The following ASH1L variants were observed in gnomAD, a reference collection of about 807,000 sequenced individuals.
The protein encoded by ASH1L is ASH1 like histone lysine methyltransferase.
In ASH1L, 23 loss-of-function variants were observed where a neutral mutation model predicts 269.0. The ratio of observed to expected loss-of-function variants is 0.09; its 90% CI spans 0.06 to 0.12. The LOEUF (loss-of-function observed/expected upper bound fraction) is 0.12, where lower values mean the gene tolerates loss of function less well. ASH1L is among the 10% of genes least tolerant of loss of function. The pLI, the probability that ASH1L is intolerant of heterozygous loss-of-function variation, is 1.00. For synonymous variants in ASH1L, 1,187 were observed against 1,253.5 expected (o/e 0.95, Z 1.12); for missense variants, 2,912 against 3,567.8 (o/e 0.82, Z 4.68).
intron 6 of ASH1L, among the ~76,000 whole-genome samples, chr1:155,399,828 T>C (rs1425697607): frequency 1.3e-5 from 2 of 152,146 alleles, no homozygotes; most frequent in East Asian, 1.9e-4. Flanking sequence ...TAGTTCATAC[T>C]ACACAGAGCA....
chr1:155,551,772 A>G (rs1251992533), intron 1 of ASH1L, among the ~76,000 whole-genome samples: 1 of 149,852 alleles, frequency 6.7e-6, no homozygotes, highest in Non-Finnish European at 1.5e-5. Context: ...ATTTAAGACC[A>G]GCCTGGCCAA....
intron 2 of ASH1L, among the ~76,000 whole-genome samples, chr1:155,515,156 A>C (rs1044435185): frequency 1.3e-5 from 2 of 152,198 alleles, no homozygotes; most frequent in East Asian, 3.8e-4. Flanking sequence ...AAAAACTGCA[A>C]TGCCTGCCGC....
chr1:155,352,297 CAA>C (rs1281473342), intron 17 of ASH1L, among the ~76,000 whole-genome samples: 8 of 28,128 alleles, frequency 2.8e-4, no homozygotes, highest in African/African-American at 8.2e-4. Context: ...ACCTCCATCT[CAA>C]AAAAAAAAAA....
At chr1:155,380,494 T>C (rs1417111485) in intron 7 of ASH1L, among the ~76,000 whole-genome samples, 1 of 152,158 alleles carries the variant, frequency 6.6e-6, no homozygotes, top group Non-Finnish European at 1.5e-5. Flanking sequence ...GGAGAAATTC[T>C]TGTGTTTAAA....
rs193116479 is a variant in ASH1L, at chr1:155,358,781, C to T, written c.6796-1032G>A. The T allele has an allele frequency of 6.6e-5, 10 of 151,464 alleles. No homozygotes were observed. The East Asian group carries it at 1.8e-3, about 27-fold the overall frequency. The allele number at this position is 151,464 out of a possible 1,614,324, so 9.4% of individuals were successfully genotyped here. On this transcript the variant is annotated intron_variant, in intron 13 of 27. Coordinates refer to ENST00000392403, the MANE Select transcript of ASH1L (RefSeq NM_018489.3). ...GGGGCCATGCTAATCTTCTCTGTAT[C>T]ATTCCAATTTTAGTATATATGCTGT...
chr1:155,520,856 T>C (rs1571051634), intron 2 of ASH1L, among the ~76,000 whole-genome samples: 3 of 152,158 alleles, frequency 2.0e-5, no homozygotes, highest in South Asian at 4.1e-4. Flanking sequence ...GAGCAAAACT[T>C]AATCTCAAAA....
rs1325736563 is a variant in ASH1L, at chr1:155,562,560, C to T, written c.-507G>A. The T allele has an allele frequency of 3.0e-5, 46 of 1,528,910 alleles. No individual in the cohort carries two copies. The highest frequency in any genetic ancestry group is 3.7e-5 in the Non-Finnish European group (42 of 1,140,334). 94.7% of individuals were successfully genotyped at this position (1,528,910 alleles called of 1,614,324 possible). A position where few individuals can be genotyped will look rare whatever the true frequency, so the allele number is the denominator to read the frequency against. ...CCTCCTTGCGTTCTTTCCCACCGTC[C>T]CCCGCTCCGCCCGACTCCGTCCGCG... is the stretch of plus-strand genomic sequence containing the variant. On this transcript the variant is annotated 5_prime_UTR_variant, in exon 1 of 28. Transcript: ENST00000392403.
intron 5 of ASH1L, among the ~76,000 whole-genome samples, chr1:155,422,060 C>T (rs1363115862): frequency 6.6e-6 from 1 of 152,136 alleles, no homozygotes; most frequent in Non-Finnish European, 1.5e-5. Flanking sequence ...CTACTTTCCG[C>T]CTGTATGAAT....
chr1:155,357,834 G>T, intron 13 of ASH1L, 85 bp from the exon 14 acceptor site: 1 of 1,319,708 alleles, frequency 7.6e-7, no homozygotes, highest in South Asian at 1.5e-5. Flanking sequence ...ACAATAGTAT[G>T]ATCATGGCTC....
In ASH1L at chr1:155,497,842, C is replaced by T. The variant is rs182026347; in HGVS notation, c.421-15393G>A. 2.6e-3 allele frequency among the ~76,000 whole-genome samples: 395 copies of T among 152,134 alleles called. 2 individuals carry two copies. The highest frequency in any genetic ancestry group is 4.2e-3 in the Non-Finnish European group (285 of 67,988). ...TCGGCTCACTGCAAGTTCCGCCTCC[C>T]GGGTTCATGCCATTCTCCTGCCTCA... On this transcript the variant is annotated intron_variant, in intron 2 of 27. Transcript: ENST00000392403.
At chr1:155,445,502 A>C (rs994517873) in intron 4 of ASH1L, among the ~76,000 whole-genome samples, 1 of 151,866 alleles carries the variant, frequency 6.6e-6, no homozygotes, top group African/African-American at 2.4e-5. Flanking sequence ...CATTTTTAAT[A>C]ATTAAAAAAA....
At chr1:155,474,470 G>A (rs1431856506) in intron 3 of ASH1L, among the ~76,000 whole-genome samples, 1 of 152,140 alleles carries the variant, frequency 6.6e-6, no homozygotes, top group Non-Finnish European at 1.5e-5. Context: ...GGGCAAGGTA[G>A]GAGGGTCCCT....
intron 2 of ASH1L, among the ~76,000 whole-genome samples, chr1:155,488,133 C>T (rs998742498): frequency 2.0e-5 from 3 of 151,770 alleles, no homozygotes; most frequent in African/African-American, 4.8e-5. Flanking sequence ...GATCCACCCG[C>T]CTCAGCCTCC....
At chr1:155,489,473 CAAAAAA>C (rs748010625) in intron 2 of ASH1L, among the ~76,000 whole-genome samples, 1 of 91,082 alleles carries the variant, frequency 1.1e-5, no homozygotes, top group Non-Finnish European at 2.2e-5. Flanking sequence ...GGCTCTGTCT[CAAAAAA>C]AAAAAAAAGG....
At chr1:155,339,200 C>T in intron 26 of ASH1L, 128 bp downstream of exon 26, 1 of 797,658 alleles carries the variant, frequency 1.3e-6, no homozygotes, top group South Asian at 1.6e-5. Context: ...GCTGGCACTA[C>T]ACTGGGCTAC....
intron 7 of ASH1L, among the ~76,000 whole-genome samples, chr1:155,383,003 G>A (rs1457760056): frequency 2.0e-5 from 3 of 152,176 alleles, no homozygotes; most frequent in Admixed American, 6.5e-5. Flanking sequence ...GATTACAGGC[G>A]TAAGCCGCCA....
chr1:155,347,480 G>C (rs542017410), intron 20 of ASH1L, among the ~76,000 whole-genome samples, 176 bp downstream of exon 20: 1 of 152,162 alleles, frequency 6.6e-6, no homozygotes, highest in East Asian at 1.9e-4. Context: ...TAAAGTGAAA[G>C]AAAGATAAAA....
intron 1 of ASH1L, among the ~76,000 whole-genome samples, chr1:155,532,358 A>G (rs1330845197): frequency 6.6e-6 from 1 of 152,208 alleles, no homozygotes; most frequent in Non-Finnish European, 1.5e-5. Context: ...ACATTGTATA[A>G]AAACAAAGTA....
rs1206387032 is a variant in ASH1L at position 155,478,350 on chromosome 1, G to C, written c.4520C>G (p.Ser1507Cys). The C allele has an allele frequency of 8.7e-6, 14 of 1,614,100 alleles. No individual in the cohort carries two copies. In the South Asian group the frequency reaches 1.5e-4, roughly 18 times the overall value. ...CTTCAAAGATTCCAGGACAGATCGG[G>C]AAGAGCCAGTGTCCATAGAAACCTG... ...QPQVSMDTGS[S>C]RSVLESLKRY... The change falls in exon 3 of 28, where the codon TCC becomes TGC. Residue 1507 changes from serine to cysteine, a missense_variant. Transcript: ENST00000392403. This position sits in a 1 kb window ranked among gnomAD's most constrained non-coding sequence, Gnocchi z 4.6.
Sources: allele counts gnomAD v4.1 joint callset (sites outside exome capture counted in the v4.1 genomes callset), GRCh38; gene constraint gnomAD v4.1.1; non-coding constraint Gnocchi (gnomAD v3.1); transcripts MANE v1.5; gene names NCBI Gene and HGNC (gene_info 2026-07-23, HGNC 2026-07-21).